PPP1R3A: variants seen among roughly 807,000 people sequenced by gnomAD.
The protein encoded by PPP1R3A is protein phosphatase 1 regulatory subunit 3A.
A neutral mutation model predicts 41.7 loss-of-function variants in PPP1R3A; 29 were observed. The observed-to-expected ratio is 0.70, with a 90% CI of 0.52 to 0.95. The LOEUF (loss-of-function observed/expected upper bound fraction) is 0.95. Ranked by LOEUF, PPP1R3A falls within the 40% of genes least tolerant of loss-of-function variation. The probability of loss-of-function intolerance (pLI) is 0.00; values close to 1 mark genes in which losing one functional copy is unlikely to be tolerated. For missense variants in PPP1R3A, 1,352 were observed against 1,292.4 expected, an observed-to-expected ratio of 1.05 and a Z score of -0.71; for synonymous variants, 485 against 453.4, an observed-to-expected ratio of 1.07 and a Z score of -0.89.
At position 113,918,310 on chromosome 7, in the gene PPP1R3A, G is replaced by C; in HGVS notation, c.687C>G (p.Phe229Leu). Reference sequence around the variant, plus strand: ...GCTCTTGTTCTTTCTTTTGACAAATGAATGTATAATTTGTGCCATTATTAT... The same window carrying C: ...GCTCTTGTTCTTTCTTTTGACAAATCAATGTATAATTTGTGCCATTATTAT... ...WSNNNGTNYT[F>L]ICQKKEQEPE... is the part of the protein sequence containing the mutation. The change falls in exon 1 of 4, where the codon TTC (phenylalanine) becomes TTG (leucine). Residue 229 changes from phenylalanine (F) to leucine (L), a missense_variant. Transcript: ENST00000284601. 1 of 1,612,448 alleles carries C rather than the reference G, an allele frequency of 6.2e-7. No homozygotes were observed. The highest frequency in any genetic ancestry group is 1.1e-5 in the South Asian group (1 of 90,912).
Position 113,918,526 on chromosome 7 carries a change from T to C in PPP1R3A, c.471A>G (p.Val157=), listed in dbSNP as rs780792161. 19 of 1,612,936 alleles carry C rather than the reference T, an allele frequency of 1.2e-5. No homozygotes were observed. The highest frequency in any genetic ancestry group is 3.3e-5 in the Admixed American group (2 of 59,926). The stretch of plus-strand genomic sequence containing the variant: ...AGTCATCTAAAGACATTCTTACATA[T>C]ACTAACTTCTCAAAAGAAACATTCA... ...RVLNVSFEKL[V]YVRMSLDDWQ... Residue 157 remains valine (V), a synonymous_variant, in exon 1 of 4, where the codon GTA becomes GTG. Coordinates refer to ENST00000284601, the MANE Select transcript of PPP1R3A (RefSeq NM_002711.4).
At chr7:113,906,723 C>T (rs1797154506) in intron 1 of PPP1R3A, among the ~76,000 whole-genome samples, 2 of 151,752 alleles carry the variant, frequency 1.3e-5, no homozygotes, top group East Asian at 1.9e-4. Context: ...TATGAGAAAA[C>T]TATTTGGCAT....
chr7:113,879,669 T>A lies in PPP1R3A; in HGVS notation c.1423A>T (p.Lys475Ter), dbSNP rs769477858. ...CCCAAATCTTTTACTTCAATATTTTTAGCTCCTCCTTCATGTTTTTTATTA... is the reference window on the plus strand; with the variant it reads ...CCCAAATCTTTTACTTCAATATTTTAAGCTCCTCCTTCATGTTTTTTATTA... ...NLNKKHEGGA[K>*]NIEVKDLGCL... The change falls in exon 4 of 4, where the codon AAA becomes TAA. Residue 475 changes from lysine (K) to a stop codon, truncating the protein, a stop_gained. Transcript: ENST00000284601. LOFTEE classifies it low-confidence loss of function (END_TRUNC). 6 of 1,613,182 alleles carry A rather than the reference T, an allele frequency of 3.7e-6. No homozygotes were observed. The Admixed American group carries it at 6.7e-5, about 18-fold the overall frequency.
At chr7:113,886,604 A>G (rs1398993017) in intron 1 of PPP1R3A, among the ~76,000 whole-genome samples, 1 of 152,208 alleles carries the variant, frequency 6.6e-6, no homozygotes, top group Non-Finnish European at 1.5e-5. Flanking sequence ...AAATGAAATG[A>G]GTAGAATTCA....
At chr7:113,885,190 A>G (rs1796762057) in intron 1 of PPP1R3A, among the ~76,000 whole-genome samples, 1 of 152,022 alleles carries the variant, frequency 6.6e-6, no homozygotes, top group Non-Finnish European at 1.5e-5. Context: ...GATTACAGGC[A>G]CAGACATGTG....
At chr7:113,906,880 G>T (rs1372840945) in intron 1 of PPP1R3A, among the ~76,000 whole-genome samples, 1 of 151,734 alleles carries the variant, frequency 6.6e-6, no homozygotes, top group Non-Finnish European at 1.5e-5. Flanking sequence ...TTTACCAGAT[G>T]AATGATGTAG....
Position 113,879,706 on chromosome 7 carries a change from C to T in PPP1R3A, c.1386G>A (p.Met462Ile). The change falls in exon 4 of 4, where the codon ATG (methionine) becomes ATA (isoleucine). Residue 462 changes from methionine (M) to isoleucine (I), a missense_variant. Met to Ile is a conservative substitution (Grantham distance 10, BLOSUM62 1). Coordinates refer to ENST00000284601, the MANE Select transcript of PPP1R3A (RefSeq NM_002711.4). The part of the protein sequence containing the change: ...QIPCPSSDQL[M>I]AGNLNKKHEG... ...CATGTTTTTTATTAAGGTTTCCTGC[C>T]ATTAGTTGATCTGAAGAGGGGCAAG... 2 of 1,613,154 alleles carry T rather than the reference C, an allele frequency of 1.2e-6. No individual in the cohort carries two copies. Among genetic ancestry groups the T allele is most frequent in the East Asian group, 4.5e-5 (2 of 44,824 alleles).
chr7:113,909,287 A>G (rs1282708539), intron 1 of PPP1R3A, among the ~76,000 whole-genome samples: 1 of 152,040 alleles, frequency 6.6e-6, no homozygotes, highest in East Asian at 1.9e-4. Context: ...TTATTTGTCC[A>G]CAGTTTTCAA....
intron 1 of PPP1R3A, among the ~76,000 whole-genome samples, chr7:113,896,718 C>A (rs2129117507): frequency 6.6e-6 from 1 of 151,620 alleles, no homozygotes; most frequent in Non-Finnish European, 1.5e-5. Flanking sequence ...TATTTGATAC[C>A]AATGTAACAC....
At chr7:113,914,790 A>G (rs1797312608) in intron 1 of PPP1R3A, among the ~76,000 whole-genome samples, 1 of 152,150 alleles carries the variant, frequency 6.6e-6, no homozygotes, top group Admixed American at 6.6e-5. Flanking sequence ...TTAACATACC[A>G]GAAAAACAAG....
rs780113659 is a variant in PPP1R3A at position 113,882,101 on chromosome 7, G to A, written c.904C>T (p.Arg302Ter). 3.1e-6 allele frequency: 5 copies of A among 1,611,360 alleles called. No homozygotes were observed. The highest frequency in any genetic ancestry group is 3.3e-5 in the Admixed American group (2 of 59,830). The stretch of plus-strand genomic sequence containing the variant: ...TCCCTGTTTACATCTTTTACATTTC[G>A]ATTACTGGCTTCCAAATCTTCCTTG... ...EDKEDLEASN[R>*]NVKDVNREHD... The change falls in exon 3 of 4, where the codon CGA becomes TGA. Residue 302 changes from arginine to a stop codon, truncating the protein, a stop_gained. Coordinates refer to ENST00000284601, the MANE Select transcript of PPP1R3A (RefSeq NM_002711.4). LOFTEE classifies it high-confidence loss of function.
rs143762155 is a variant in PPP1R3A at position 113,890,316 on chromosome 7, A to C, written c.783-7996T>G. On this transcript the variant is annotated intron_variant, in intron 1 of 3. Coordinates refer to ENST00000284601, the MANE Select transcript of PPP1R3A (RefSeq NM_002711.4). ...CGGATCTACTGCATCAGCATCTCTGAGTGGGCAGTGGGAATCTGCATTTTT... is the reference window on the plus strand; with the variant it reads ...CGGATCTACTGCATCAGCATCTCTGCGTGGGCAGTGGGAATCTGCATTTTT... Among the ~76,000 whole-genome samples the C allele has an allele frequency of 2.9e-3, 434 of 152,094 alleles. 2 individuals carry two copies. Among genetic ancestry groups the C allele is most frequent in the African/African-American group, 1.0e-2 (414 of 41,490 alleles).
intron 1 of PPP1R3A, among the ~76,000 whole-genome samples, chr7:113,900,821 TA>T (rs1224958336): frequency 6.7e-6 from 1 of 149,702 alleles, no homozygotes; most frequent in Non-Finnish European, 1.5e-5. Flanking sequence ...CCTAATTTTA[TA>T]AAAAATATTT....
intron 3 of PPP1R3A, among the ~76,000 whole-genome samples, chr7:113,880,483 C>T (rs1423236250): frequency 1.3e-5 from 2 of 152,056 alleles, no homozygotes; most frequent in Non-Finnish European, 2.9e-5. Flanking sequence ...TTCCTGGGTG[C>T]CCCTTGCTGC....
In PPP1R3A at chr7:113,879,869, G is replaced by C; in HGVS notation, c.1223C>G (p.Thr408Ser). 6.2e-7 allele frequency: 1 copy of C among 1,613,530 alleles called. No individual in the cohort carries two copies. The change falls in exon 4 of 4, where the codon ACT becomes AGT. Residue 408 changes from threonine to serine, a missense_variant. Transcript: ENST00000284601. ...DDCTHQPSEETTSNMGEIKPS... is the reference protein window; with the variant it reads ...DDCTHQPSEESTSNMGEIKPS... ...CTTGATTTCTCCCATATTTGAAGTA[G>C]TTTCCTCTGAAGGTTGATGTGTACA...
intron 1 of PPP1R3A, among the ~76,000 whole-genome samples, chr7:113,908,548 A>C (rs1055749624): frequency 1.3e-5 from 2 of 151,996 alleles, no homozygotes; most frequent in African/African-American, 4.8e-5. Flanking sequence ...AATTTAGTAT[A>C]TATTCAAATA....
intron 1 of PPP1R3A, among the ~76,000 whole-genome samples, chr7:113,913,102 T>C (rs1227592885): frequency 2.0e-5 from 3 of 152,096 alleles, no homozygotes; most frequent in Non-Finnish European, 4.4e-5. Context: ...GTGTTTTATG[T>C]TTCCACGTGG....
At chr7:113,882,344 T>C in intron 1 of PPP1R3A, 24 bp from the exon 2 acceptor site, 1 of 1,370,924 alleles carries the variant, frequency 7.3e-7, no homozygotes, top group Non-Finnish European at 1.0e-6. Flanking sequence ...AAGAAAATGT[T>C]ATATGTTTTT....
At chr7:113,910,479 G>A (rs1018376520) in intron 1 of PPP1R3A, among the ~76,000 whole-genome samples, 1 of 151,984 alleles carries the variant, frequency 6.6e-6, no homozygotes, top group Non-Finnish European at 1.5e-5. Flanking sequence ...AAGATTATAT[G>A]TGAACAATAT....
Sources: gnomAD v4.1 joint callset for allele counts (sites outside exome capture counted in the v4.1 genomes callset) on GRCh38, gnomAD v4.1.1 for gene constraint, MANE v1.5 for transcripts, NCBI Gene and HGNC (gene_info 2026-07-23, HGNC 2026-07-21) for gene names.